The following EHD1 variants were observed in gnomAD, a reference collection of about 807,000 sequenced individuals.
EHD1 encodes EH domain-containing protein 1.
EHD1 carries 19 observed loss-of-function variants against 39.0 expected under a neutral mutation model. The ratio of observed to expected loss-of-function variants is 0.49; its 90% CI spans 0.34 to 0.72. The LOEUF is 0.72. Ranked by LOEUF, EHD1 falls within the 30% of genes least tolerant of loss-of-function variation. The pLI, the probability that EHD1 is intolerant of heterozygous loss-of-function variation, is 0.01. For synonymous variants in EHD1, 323 were observed against 331.2 expected (o/e 0.98, Z 0.27); for missense variants, 542 against 751.5 (o/e 0.72, Z 3.26).
chr11:64,879,373 G>A (rs938102757), upstream of EHD1, among the ~76,000 whole-genome samples: 1 of 152,144 alleles, frequency 6.6e-6, no homozygotes, highest in Non-Finnish European at 1.5e-5. Context: ...CCCCACAAAG[G>A]CTATAGCTGG....
intron 2 of EHD1, among the ~76,000 whole-genome samples, chr11:64,865,678 G>C (rs1434964902): frequency 6.6e-6 from 1 of 152,190 alleles, no homozygotes; most frequent in Non-Finnish European, 1.5e-5. Flanking sequence ...GGACCTAGAA[G>C]ACATGATGCT....
intron 2 of EHD1, among the ~76,000 whole-genome samples, chr11:64,870,869 G>A (rs889895168): frequency 6.6e-6 from 1 of 152,186 alleles, no homozygotes; most frequent in African/African-American, 2.4e-5. Context: ...TGACACAGGA[G>A]AACGGTATCT....
In EHD1 at chr11:64,855,627, G is replaced by A. The variant is rs78656721; in HGVS notation, c.916-141C>T. The stretch of plus-strand genomic sequence containing the variant: ...GGAGGGATGGGTCAAGCTCAAGGCC[G>A]CTACCACCACCGGCTCCCACAGTCC... On this transcript the variant is annotated intron_variant, in intron 3 of 4. Transcript: ENST00000320631. 1,795 of 1,251,632 alleles carry A rather than the reference G, an allele frequency of 1.4e-3. 18 individuals are homozygous for A. In the African/African-American group the frequency reaches 0.025, roughly 17 times the overall value. The allele number at this position is 1,251,632 out of a possible 1,614,324, so 77.5% of individuals were successfully genotyped here.
chr11:64,862,865 C>T (rs904045540), intron 2 of EHD1, among the ~76,000 whole-genome samples: 1 of 152,174 alleles, frequency 6.6e-6, no homozygotes, highest in Admixed American at 6.5e-5. Flanking sequence ...CAGAGCGACA[C>T]CCTGTCTCAA....
chr11:64,867,644 A>G (rs964737320), intron 2 of EHD1, among the ~76,000 whole-genome samples: 1 of 152,140 alleles, frequency 6.6e-6, no homozygotes, highest in Non-Finnish European at 1.5e-5. Flanking sequence ...GCTTGAACCC[A>G]GAGGCGGAGG....
rs202084601 is a variant in EHD1, at chr11:64,855,497, G to C, written c.916-11C>G. The C allele has an allele frequency of 4.3e-6, 7 of 1,613,476 alleles. No homozygotes were observed. In the African/African-American group the frequency reaches 9.3e-5, roughly 22 times the overall value. The stretch of plus-strand genomic sequence containing the variant: ...GATGTAGGCGTGAACCTGTGAGGAC[G>C]GGGTGAGCATCAGGCGCTCTCTTGG... On this transcript the variant is annotated splice_polypyrimidine_tract_variant and intron_variant, in intron 3 of 4. Coordinates refer to ENST00000320631, the MANE Select transcript of EHD1 (RefSeq NM_006795.4).
chr11:64,869,412 AC>A (rs1453196146), intron 2 of EHD1, among the ~76,000 whole-genome samples: 1 of 152,066 alleles, frequency 6.6e-6, no homozygotes, highest in African/African-American at 2.4e-5. Flanking sequence ...CCAACGGGAA[AC>A]CCCGGCTGAG....
chr11:64,875,351 G>A (rs1170394979), intron 1 of EHD1, among the ~76,000 whole-genome samples: 2 of 152,184 alleles, frequency 1.3e-5, no homozygotes, highest in African/African-American at 2.4e-5. Context: ...AGGAGTTCAC[G>A]ACCAGCCTGG....
At chr11:64,878,652 A>T, upstream of EHD1, 1 of 1,357,822 alleles carries the variant, frequency 7.4e-7, no homozygotes, top group African/African-American at 1.6e-5. Context: ...CGGCCTTTAT[A>T]GGGTCGGTCC....
chr11:64,867,423 G>GA (rs1240913285), intron 2 of EHD1, among the ~76,000 whole-genome samples: 289 of 127,112 alleles, frequency 2.3e-3, no homozygotes, highest in African/African-American at 5.6e-3. Flanking sequence ...TGTCTCAAAA[G>GA]AAAAAAAAAA....
intron 2 of EHD1, among the ~76,000 whole-genome samples, chr11:64,866,468 G>A (rs1404810652): frequency 5.3e-5 from 8 of 152,080 alleles, no homozygotes; most frequent in Non-Finnish European, 1.2e-4. Context: ...GGCTGAGGCA[G>A]GAGGACTGCT....
At chr11:64,870,943 C>A (rs1943822496) in intron 2 of EHD1, among the ~76,000 whole-genome samples, 1 of 152,190 alleles carries the variant, frequency 6.6e-6, no homozygotes, top group South Asian at 2.1e-4. Flanking sequence ...CGGCCCCCTT[C>A]TCGTCCCTGA....
chr11:64,878,593 C>T lies in EHD1; in HGVS notation c.-129G>A. ...GACCCACACTGCGCAGGCGCACAGCCCAGCCCGTCGAAGCGCCCTCTGCCG... is the reference window on the plus strand; with the variant it reads ...GACCCACACTGCGCAGGCGCACAGCTCAGCCCGTCGAAGCGCCCTCTGCCG... On this transcript the variant is annotated 5_prime_UTR_variant, in exon 1 of 5. Transcript: ENST00000320631. 7.0e-7 allele frequency: 1 copy of T among 1,428,200 alleles called. No homozygotes were observed. Among genetic ancestry groups the T allele is most frequent in the Non-Finnish European group, 9.1e-7 (1 of 1,096,926 alleles). The allele number at this position is 1,428,200 out of a possible 1,614,324, so 88.5% of individuals were successfully genotyped here.
chr11:64,855,302 G>A lies in EHD1; in HGVS notation c.1080+20C>T, dbSNP rs777225059. ...GCCCTGATGGCCACCAGCCTGCATG[G>A]GGCCTCGGGACAGCCGTACCTGCAT... On this transcript the variant is annotated intron_variant, in intron 4 of 4. Transcript: ENST00000320631. 5.5e-5 allele frequency: 89 copies of A among 1,610,950 alleles called. No homozygotes were observed. In the Admixed American group the frequency reaches 1.5e-3, roughly 27 times the overall value.
At position 64,878,249 on chromosome 11, in the gene EHD1, G is replaced by C; in HGVS notation, c.216C>G (p.Thr72=). ...GCTCGATCAGGTGTCGGATGAAGGTGGTCTTGCCCGTGCTGTACTGCCCCA... is the reference window on the plus strand; with the variant it reads ...GCTCGATCAGGTGTCGGATGAAGGTCGTCTTGCCCGTGCTGTACTGCCCCA... ...LLVGQYSTGK[T]TFIRHLIEQD... is the part of the protein sequence containing the mutation. The change falls in exon 1 of 5, where the codon ACC becomes ACG. Residue 72 remains threonine (T), a synonymous_variant. Coordinates refer to ENST00000320631, the MANE Select transcript of EHD1 (RefSeq NM_006795.4). 1 of 1,614,120 alleles carries C rather than the reference G, an allele frequency of 6.2e-7. No individual in the cohort carries two copies. Among genetic ancestry groups the C allele is most frequent in the East Asian group, 2.2e-5 (1 of 44,870 alleles).
intron 3 of EHD1, chr11:64,859,710 T>A: frequency 1.5e-6 from 1 of 657,980 alleles, no homozygotes; most frequent in South Asian, 2.2e-5. Flanking sequence ...CAGAACAGGT[T>A]TAGAGGGAGG....
intron 2 of EHD1, among the ~76,000 whole-genome samples, chr11:64,867,673 G>A (rs1943782761): frequency 6.6e-6 from 1 of 152,166 alleles, no homozygotes; most frequent in African/African-American, 2.4e-5. Context: ...GGCCGAGATT[G>A]ATCGTGCCAC....
chr11:64,878,758 C>G (rs1262186148), upstream of EHD1: 2 of 1,295,960 alleles, frequency 1.5e-6, no homozygotes, highest in Non-Finnish European at 2.0e-6. Flanking sequence ...ACTGGTGCCA[C>G]GTCTTCCCCT....
chr11:64,875,005 G>A (rs1406926081), intron 1 of EHD1, among the ~76,000 whole-genome samples: 2 of 152,234 alleles, frequency 1.3e-5, no homozygotes, highest in Admixed American at 6.5e-5. Flanking sequence ...AATTGAAATG[G>A]ACGGCTGGCA....
Sources: allele counts gnomAD v4.1 joint callset (sites outside exome capture counted in the v4.1 genomes callset), GRCh38; gene constraint gnomAD v4.1.1; transcripts MANE v1.5; gene names NCBI Gene and HGNC (gene_info 2026-07-23, HGNC 2026-07-21).